The following TBX5 variants were observed in gnomAD, a reference collection of about 807,000 sequenced individuals.
TBX5 encodes the protein T-box transcription factor TBX5.
In TBX5, 8 loss-of-function variants were observed where a neutral mutation model predicts 51.1. The ratio of observed to expected loss-of-function variants is 0.16; its 90% CI spans 0.09 to 0.28. The LOEUF is 0.28. Among genes scored for constraint, TBX5 ranks in the 10% least tolerant of loss-of-function variants. The probability of loss-of-function intolerance (pLI) is 1.00; values close to 1 mark genes in which losing one functional copy is unlikely to be tolerated. For missense variants in TBX5, 589 were observed against 671.7 expected, an observed-to-expected ratio of 0.88 and a Z score of 1.36; for synonymous variants, 302 against 266.4, an observed-to-expected ratio of 1.13 and a Z score of -1.30.
upstream of TBX5, chr12:114,408,309 G>C (rs998856096): frequency 5.2e-6 from 4 of 766,604 alleles, no homozygotes; most frequent in African/African-American, 7.6e-5. Context: ...GACACAAATA[G>C]AGCCAAGATC....
chr12:114,397,780 A>T (rs948212052), intron 5 of TBX5, among the ~76,000 whole-genome samples: 1 of 151,966 alleles, frequency 6.6e-6, no homozygotes, highest in Admixed American at 6.5e-5. Flanking sequence ...GGTTGTTGGA[A>T]AAAAAACAGA....
intron 8 of TBX5, among the ~76,000 whole-genome samples, chr12:114,358,119 T>C (rs1341199906): frequency 2.0e-5 from 3 of 152,212 alleles, no homozygotes; most frequent in African/African-American, 7.2e-5. Flanking sequence ...CTAAGCCAGA[T>C]TGGATTGACT....
In TBX5 at chr12:114,355,407, A is replaced by G. The variant is rs974309382; in HGVS notation, c.*125T>C. 5 of 1,240,542 alleles carry G rather than the reference A, an allele frequency of 4.0e-6. No homozygotes were observed. In the African/African-American group the frequency reaches 7.5e-5, roughly 19 times the overall value. 76.8% of individuals were successfully genotyped at this position (1,240,542 alleles called of 1,614,324 possible). ...TCCAGCGACCTTGAGTGCAGATGTGAACATTGGGTGAAATGAAAAATCTTG... is the reference window on the plus strand; with the variant it reads ...TCCAGCGACCTTGAGTGCAGATGTGGACATTGGGTGAAATGAAAAATCTTG... On this transcript the variant is annotated 3_prime_UTR_variant, in exon 9 of 9. Coordinates refer to ENST00000405440, the MANE Select transcript of TBX5 (RefSeq NM_181486.4).
At chr12:114,375,608 G>A (rs1593856928) in intron 7 of TBX5, among the ~76,000 whole-genome samples, 1 of 152,330 alleles carries the variant, frequency 6.6e-6, no homozygotes, top group East Asian at 1.9e-4. Flanking sequence ...CACCTGTTAG[G>A]ATGGCTATTC....
intron 3 of TBX5, among the ~76,000 whole-genome samples, chr12:114,400,258 C>A (rs1871724819): frequency 6.6e-6 from 1 of 152,230 alleles, no homozygotes; most frequent in Admixed American, 6.5e-5. Context: ...AATGCCCCCA[C>A]AACTTCTCCA....
Position 114,370,021 on chromosome 12 carries a change from G to A in TBX5, c.756-3630C>T, listed in dbSNP as rs985900378. On this transcript the variant is annotated intron_variant, in intron 7 of 8. Coordinates refer to ENST00000405440, the MANE Select transcript of TBX5 (RefSeq NM_181486.4). Reference sequence around the variant, plus strand: ...TGTAATTCCAGCACTTTGGGAGGCTGAGGCAGGCAGATCACTTGAGATCAG... The same window carrying A: ...TGTAATTCCAGCACTTTGGGAGGCTAAGGCAGGCAGATCACTTGAGATCAG... Among the ~76,000 whole-genome samples, 10 of 152,218 alleles carry A rather than the reference G, an allele frequency of 6.6e-5. 1 individual carries two copies. Among genetic ancestry groups the A allele is most frequent in the Admixed American group, 4.6e-4 (7 of 15,286 alleles).
At chr12:114,393,495 T>A (rs1316148197) in intron 6 of TBX5, among the ~76,000 whole-genome samples, 1 of 152,080 alleles carries the variant, frequency 6.6e-6, no homozygotes, top group African/African-American at 2.4e-5. Flanking sequence ...GAACATTAAA[T>A]CCCTCCTGCC....
intron 6 of TBX5, among the ~76,000 whole-genome samples, chr12:114,388,675 CGTGTGTGTGTGTGTGTGTGT>C (rs59385091): frequency 5.6e-5 from 7 of 124,406 alleles, no homozygotes; most frequent in African/African-American, 1.2e-4. Context: ...TTAAAGTATC[CGTGTGTGTGTGTGTGTGTGT>C]GTGTGTGTGT....
At chr12:114,406,700 C>T (rs770539860), upstream of TBX5, among the ~76,000 whole-genome samples, 15 of 152,300 alleles carry the variant, frequency 9.8e-5, no homozygotes, top group Non-Finnish European at 1.9e-4. Flanking sequence ...CCCTCACCCC[C>T]CACCCAGTGG....
upstream of TBX5, among the ~76,000 whole-genome samples, chr12:114,406,669 A>T (rs1428006819): frequency 6.6e-6 from 1 of 152,036 alleles, no homozygotes; most frequent in Non-Finnish European, 1.5e-5. Context: ...GAGATCAAAG[A>T]TGCTAAGAAA....
chr12:114,394,619 G>A, intron 6 of TBX5, 122 bp downstream of exon 6: 1 of 1,337,810 alleles, frequency 7.5e-7, no homozygotes, highest in South Asian at 1.2e-5. Context: ...CCAGCACCCT[G>A]GGGTCGAAGT....
intron 7 of TBX5, among the ~76,000 whole-genome samples, chr12:114,380,251 CAAAG>C (rs926090279): frequency 4.6e-5 from 7 of 152,126 alleles, no homozygotes; most frequent in African/African-American, 1.7e-4. Context: ...AAGCAAAGTC[CAAAG>C]AAAGAGTTGT....
At chr12:114,397,337 C>G (rs545865298) in intron 5 of TBX5, among the ~76,000 whole-genome samples, 1 of 152,146 alleles carries the variant, frequency 6.6e-6, no homozygotes. Context: ...AAGTCACCCC[C>G]GTCCCCTGGA....
intron 7 of TBX5, among the ~76,000 whole-genome samples, chr12:114,379,338 T>C (rs1236945447): frequency 6.6e-6 from 1 of 152,222 alleles, no homozygotes; most frequent in Non-Finnish European, 1.5e-5. Context: ...AGATTGCAAC[T>C]GTAGGGAACT....
chr12:114,370,279 AAAAGAAAAG>A lies in TBX5; in HGVS notation c.756-3897_756-3889del, dbSNP rs1413262025. ...AAAAGAAAAGAAAAGAAAAGAAAAGAAAAGAAAAGAAAGAAAAGAAAAGAAAAGAAAAGA... is the reference window on the plus strand; with the variant it reads ...AAAAGAAAAGAAAAGAAAAGAAAAGAAAAGAAAAGAAAAGAAAAGAAAAGA... On this transcript the variant is annotated intron_variant, in intron 7 of 8. Transcript: ENST00000405440. 8.0e-3 allele frequency among the ~76,000 whole-genome samples: 487 copies of A among 60,728 alleles called. 4 individuals carry two copies. The highest frequency in any genetic ancestry group is 0.021 in the Middle Eastern group (3 of 140). 39.8% of individuals were successfully genotyped at this position (60,728 alleles called of 152,430 possible). A position where few individuals can be genotyped will look rare whatever the true frequency, so the allele number is the denominator to read the frequency against.
chr12:114,364,712 C>T (rs756083124), intron 8 of TBX5, among the ~76,000 whole-genome samples: 11 of 152,132 alleles, frequency 7.2e-5, no homozygotes, highest in Admixed American at 2.6e-4. Flanking sequence ...CCTTCTGGAG[C>T]GATATCTGCC....
chr12:114,356,683 T>C (rs1868936686), intron 8 of TBX5, among the ~76,000 whole-genome samples: 1 of 152,214 alleles, frequency 6.6e-6, no homozygotes, highest in Admixed American at 6.5e-5. Context: ...AGTAAACACC[T>C]ACTATTAACA....
In TBX5 at chr12:114,405,677, A is replaced by C; in HGVS notation, c.-88T>G. ...CACCACATCCTCTGCTGCTCCTAGC[A>C]GGGAAGCCGGCGGTGAGGCGGGGGA... On this transcript the variant is annotated 5_prime_UTR_variant, in exon 1 of 9. Transcript: ENST00000405440. 3 of 984,194 alleles carry C rather than the reference A, an allele frequency of 3.0e-6. No homozygotes were observed. Among genetic ancestry groups the C allele is most frequent in the Non-Finnish European group, 3.6e-6 (3 of 828,812 alleles). 61.0% of individuals were successfully genotyped at this position (984,194 alleles called of 1,614,324 possible). A position where few individuals can be genotyped will look rare whatever the true frequency, so the allele number is the denominator to read the frequency against.
intron 7 of TBX5, among the ~76,000 whole-genome samples, chr12:114,369,507 A>T (rs772205607): frequency 3.7e-4 from 56 of 152,290 alleles, no homozygotes; most frequent in Non-Finnish European, 4.7e-4. Context: ...TGGGCATGGA[A>T]TGGGGAAGTG....
Sources: allele counts gnomAD v4.1 joint callset (sites outside exome capture counted in the v4.1 genomes callset), GRCh38; gene constraint gnomAD v4.1.1; transcripts MANE v1.5; gene names NCBI Gene and HGNC (gene_info 2026-07-23, HGNC 2026-07-21).